GPR39: variants seen among roughly 807,000 people sequenced by gnomAD.
GPR39 encodes G protein-coupled receptor 39, also known as zinc sensing receptor.
A neutral mutation model predicts 18.4 loss-of-function variants in GPR39; 23 were observed. The ratio of observed to expected loss-of-function variants is 1.25; its 90% CI spans 0.90 to 1.77. The LOEUF (loss-of-function observed/expected upper bound fraction) is 1.77, where lower values mean the gene tolerates loss of function less well. Among genes scored for constraint, GPR39 ranks in the 40% most tolerant of loss-of-function variants. GPR39 has a pLI of 0.00. For missense variants in GPR39, 647 were observed against 602.4 expected (o/e 1.07, Z -0.78); for synonymous variants, 280 against 257.9 (o/e 1.09, Z -0.82).
chr2:132,510,852 A>G (rs967935983), intron 1 of GPR39, among the ~76,000 whole-genome samples: 6 of 152,314 alleles, frequency 3.9e-5, no homozygotes, highest in African/African-American at 1.2e-4. Context: ...TGTATGTTGC[A>G]TTTATTTGCT....
intron 1 of GPR39, among the ~76,000 whole-genome samples, chr2:132,495,372 G>A (rs777182576): frequency 5.3e-5 from 8 of 152,182 alleles, no homozygotes; most frequent in Non-Finnish European, 8.8e-5. Flanking sequence ...GAGTTTGGAC[G>A]GTAGTGGGAT....
At chr2:132,448,978 C>T (rs1359123423) in intron 1 of GPR39, among the ~76,000 whole-genome samples, 1 of 152,192 alleles carries the variant, frequency 6.6e-6, no homozygotes, top group Admixed American at 6.5e-5. Context: ...TCTCTTACAG[C>T]CAGCTCTCCG....
chr2:132,560,154 C>T (rs1001039254), intron 1 of GPR39, among the ~76,000 whole-genome samples: 6 of 152,188 alleles, frequency 3.9e-5, no homozygotes, highest in Non-Finnish European at 7.3e-5. Context: ...AACCTCCAAC[C>T]GCCCACCTGC....
At chr2:132,581,498 T>A (rs181688153) in intron 1 of GPR39, among the ~76,000 whole-genome samples, 1 of 152,156 alleles carries the variant, frequency 6.6e-6, no homozygotes, top group African/African-American at 2.4e-5. Flanking sequence ...GCCCTTGTTA[T>A]GTTTTCTCAT....
At chr2:132,453,886 T>G (rs182883514) in intron 1 of GPR39, among the ~76,000 whole-genome samples, 2 of 152,340 alleles carry the variant, frequency 1.3e-5, no homozygotes, top group East Asian at 3.9e-4. Flanking sequence ...TACTGTAGCC[T>G]CGTAGTATAG....
chr2:132,430,224 A>G (rs1680201057), intron 1 of GPR39, among the ~76,000 whole-genome samples: 2 of 152,166 alleles, frequency 1.3e-5, no homozygotes, highest in South Asian at 4.1e-4. Flanking sequence ...TCACCTGTGG[A>G]ACTATTAAAA....
intron 1 of GPR39, among the ~76,000 whole-genome samples, chr2:132,570,974 A>G (rs532066144): frequency 3.3e-5 from 5 of 152,212 alleles, no homozygotes; most frequent in African/African-American, 1.2e-4. Flanking sequence ...TACGGCAGGC[A>G]TCCTGGGCAG....
chr2:132,642,429 G>T (rs1443547417), intron 1 of GPR39, among the ~76,000 whole-genome samples: 2 of 152,114 alleles, frequency 1.3e-5, no homozygotes, highest in African/African-American at 4.8e-5. Flanking sequence ...ATCTACCCCT[G>T]CCTTTGCCTT....
rs184598419 is a variant in GPR39, at chr2:132,462,620, T to G, written c.856+44722T>G. 3.9e-5 allele frequency among the ~76,000 whole-genome samples: 6 copies of G among 152,348 alleles called. No homozygotes were observed. The East Asian group carries it at 9.6e-4, about 24-fold the overall frequency. ...TTCTACAGCTCTTTCCTCCTACATT[T>G]TTTTTAAACACTCTGGCCTTTGCTG... On this transcript the variant is annotated intron_variant, in intron 1 of 1. Transcript: ENST00000329321.
intron 1 of GPR39, among the ~76,000 whole-genome samples, chr2:132,560,918 C>G (rs1573667817): frequency 7.0e-6 from 1 of 143,002 alleles, no homozygotes. Context: ...TTGTTTTTTG[C>G]TTTTTTTTTT....
At chr2:132,421,488 C>T (rs1205149144) in intron 1 of GPR39, among the ~76,000 whole-genome samples, 2 of 152,068 alleles carry the variant, frequency 1.3e-5, no homozygotes, top group Non-Finnish European at 2.9e-5. Context: ...AAAGAAACAT[C>T]ATAGAAGATT....
chr2:132,639,031 T>G (rs74752053), intron 1 of GPR39, among the ~76,000 whole-genome samples: 38 of 152,198 alleles, frequency 2.5e-4, no homozygotes, highest in Non-Finnish European at 4.6e-4. Context: ...TCTCCTTAAC[T>G]TTCTGTGTGA....
At chr2:132,495,197 G>C (rs867667462) in intron 1 of GPR39, among the ~76,000 whole-genome samples, 2 of 152,202 alleles carry the variant, frequency 1.3e-5, no homozygotes, top group Non-Finnish European at 2.9e-5. Context: ...GTTCTAGAAG[G>C]CTCCATGGAG....
chr2:132,427,459 C>T (rs114956214), intron 1 of GPR39, among the ~76,000 whole-genome samples: 2,824 of 150,652 alleles, frequency 0.019, 75 homozygotes, highest in African/African-American at 0.055. Flanking sequence ...CTGCGCCTGG[C>T]CTGACTTTAC....
chr2:132,611,041 C>T (rs1473040418), intron 1 of GPR39, among the ~76,000 whole-genome samples: 1 of 152,190 alleles, frequency 6.6e-6, no homozygotes, highest in Admixed American at 6.5e-5. Flanking sequence ...ATGTGGTCTC[C>T]CTATGGTCCA....
At chr2:132,464,824 G>C (rs1326592833) in intron 1 of GPR39, among the ~76,000 whole-genome samples, 1 of 152,188 alleles carries the variant, frequency 6.6e-6, no homozygotes, top group Non-Finnish European at 1.5e-5. Flanking sequence ...ATGTAGAGGT[G>C]CTCTTGGAGA....
At position 132,417,912 on chromosome 2, in the gene GPR39, C is replaced by T. The variant is rs773806589; in HGVS notation, c.856+14C>T. 6.4e-7 allele frequency: 1 copy of T among 1,561,356 alleles called. No homozygotes were observed. Among genetic ancestry groups the T allele is most frequent in the Non-Finnish European group, 8.7e-7 (1 of 1,156,016 alleles). On this transcript the variant is annotated intron_variant, in intron 1 of 1. Coordinates refer to ENST00000329321, the MANE Select transcript of GPR39 (RefSeq NM_001508.3). ...TCATCTTCCTGAGTGAGTCCTAAGT[C>T]GGGGGCAACACGTGAGCAGCTTCCC...
chr2:132,634,933 C>G (rs527326729), intron 1 of GPR39, among the ~76,000 whole-genome samples: 45 of 152,276 alleles, frequency 3.0e-4, no homozygotes, highest in African/African-American at 1.1e-3. Flanking sequence ...GTAGAGAACT[C>G]AGGGTTAATC....
At chr2:132,547,129 G>A (rs1390483774) in intron 1 of GPR39, among the ~76,000 whole-genome samples, 2 of 152,184 alleles carry the variant, frequency 1.3e-5, no homozygotes, top group Non-Finnish European at 2.9e-5. Context: ...TATAAGGAAT[G>A]TTTTGCCCAT....
Sources: gnomAD v4.1 joint callset for allele counts (sites outside exome capture counted in the v4.1 genomes callset) on GRCh38, gnomAD v4.1.1 for gene constraint, MANE v1.5 for transcripts, NCBI Gene and HGNC (gene_info 2026-07-23, HGNC 2026-07-21) for gene names.